The following TAF6L variants were observed in gnomAD, a reference collection of about 807,000 sequenced individuals.
TAF6L encodes the protein TAF6-like RNA polymerase II p300/CBP-associated factor-associated factor 65 kDa subunit 6L.
TAF6L carries 34 observed loss-of-function variants against 57.3 expected under a neutral mutation model. The ratio of observed to expected loss-of-function variants is 0.59; its 90% confidence interval spans 0.45 to 0.79. The LOEUF is 0.79. Among genes scored for constraint, TAF6L ranks in the 30% least tolerant of loss-of-function variants. TAF6L has a pLI of 0.00. For synonymous variants in TAF6L, 417 were observed against 376.3 expected (o/e 1.11, Z -1.25); for missense variants, 782 against 853.2 (o/e 0.92, Z 1.04).
At chr11:62,779,952 C>CCATATATATATATATATATATATATATA (rs1332185092) in intron 6 of TAF6L, among the ~76,000 whole-genome samples, 1 of 100,056 alleles carries the variant, frequency 1.0e-5, no homozygotes, top group Admixed American at 1.1e-4. Context: ...AGGCGTGAGC[C>CCATATATATATATATATATATATATATA]TATATATATA....
At chr11:62,777,756 G>GGAGGAGCGACCA (rs1429484752) in intron 3 of TAF6L, among the ~76,000 whole-genome samples, 5 of 152,168 alleles carry the variant, frequency 3.3e-5, no homozygotes, top group Non-Finnish European at 7.3e-5. Context: ...TCCAGTTATG[G>GGAGGAGCGACCA]GAGGAGCGAC....
At position 62,786,824 on chromosome 11, in the gene TAF6L, C is replaced by T. The variant is rs758685137; in HGVS notation, c.1397C>T (p.Pro466Leu). Reference sequence around the variant, plus strand: ...ACCGGCCAGCCTGCACCCACGGCTCCGCGGCCGCCCGGGGACAAGAAGGAG... The same window carrying T: ...ACCGGCCAGCCTGCACCCACGGCTCTGCGGCCGCCCGGGGACAAGAAGGAG... ...FGTGQPAPTAPRPPGDKKEPA... is the reference protein window; with the variant it reads ...FGTGQPAPTALRPPGDKKEPA... The change falls in exon 11 of 11, where the codon CCG becomes CTG. Residue 466 changes from proline (P) to leucine (L), a missense_variant. This residue lies in a region of TAF6L where 483 missense variants were observed against 445.1 expected (regional missense o/e 1.09). Transcript: ENST00000294168. The T allele has an allele frequency of 1.9e-6, 3 of 1,604,328 alleles. No individual in the cohort carries two copies. The highest frequency in any genetic ancestry group is 2.2e-5 in the East Asian group (1 of 44,696).
chr11:62,787,182 G>A lies in TAF6L; in HGVS notation c.1755G>A (p.Pro585=), dbSNP rs1049331503. 5.7e-6 allele frequency: 9 copies of A among 1,586,950 alleles called. No individual in the cohort carries two copies. Among genetic ancestry groups the A allele is most frequent in the African/African-American group, 2.7e-5 (2 of 73,248 alleles). Residue 585 remains proline, a synonymous_variant, in exon 11 of 11, where the codon CCG becomes CCA. Coordinates refer to ENST00000294168, the MANE Select transcript of TAF6L (RefSeq NM_006473.4). ...TTTTCCAGACTGCCTTCCCCGCGCC[G>A]TACGGGCCTAGCCCGGCCTCGCGCT... ...GRLFQTAFPA[P]YGPSPASRYV...
At position 62,787,319 on chromosome 11, in the gene TAF6L, G is replaced by C. The variant is rs199666158; in HGVS notation, c.*23G>C. 6.6e-7 allele frequency: 1 copy of C among 1,526,466 alleles called. No individual in the cohort carries two copies. The allele number at this position is 1,526,466 out of a possible 1,614,324, so 94.6% of individuals were successfully genotyped here. ...TGAGTCAGTGGCCCCTTCGTTCCTT[G>C]TAAATAAATCCCGCCCCCGGAAATG... On this transcript the variant is annotated 3_prime_UTR_variant, in exon 11 of 11. Transcript: ENST00000294168.
chr11:62,781,275 T>C (rs1480034235), intron 6 of TAF6L, among the ~76,000 whole-genome samples: 1 of 151,802 alleles, frequency 6.6e-6, no homozygotes, highest in Non-Finnish European at 1.5e-5. Flanking sequence ...AAAAGTCTAT[T>C]CCTCCACCTA....
At chr11:62,782,849 A>T in intron 9 of TAF6L, 24 bp downstream of exon 9, 3 of 1,612,880 alleles carry the variant, frequency 1.9e-6, no homozygotes, top group Non-Finnish European at 1.7e-6. Flanking sequence ...CCTTTCTCAC[A>T]CAGCCGTAAG....
At position 62,787,096 on chromosome 11, in the gene TAF6L, G is replaced by T. The variant is rs764099397; in HGVS notation, c.1669G>T (p.Ala557Ser). Residue 557 changes from alanine (A) to serine (S), a missense_variant, in exon 11 of 11, where the codon GCC becomes TCC. Physicochemically the swap from Ala to Ser is moderately conservative, Grantham distance 99 (BLOSUM62 1). Transcript: ENST00000294168. ...GAAGAGCCGTTTCGCCCCGCGCGGC[G>T]CCCCGCACTTTCGTTTCATCATAGC... The part of the protein sequence containing the change: ...FQKSRFAPRG[A>S]PHFRFIIAGR... The T allele has an allele frequency of 1.3e-6, 2 of 1,541,790 alleles. No individual in the cohort carries two copies. The highest frequency in any genetic ancestry group is 1.2e-5 in the South Asian group (1 of 84,990).
intron 10 of TAF6L, 21 bp from the exon 11 acceptor site, chr11:62,786,496 C>G: frequency 6.4e-7 from 1 of 1,571,180 alleles, no homozygotes; most frequent in Non-Finnish European, 8.7e-7. Flanking sequence ...TTTTGCCTAT[C>G]TTAGTCCTTG....
At chr11:62,774,987 C>T (rs575464653) in intron 1 of TAF6L, among the ~76,000 whole-genome samples, 1 of 151,508 alleles carries the variant, frequency 6.6e-6, no homozygotes, top group East Asian at 1.9e-4. Context: ...TTACTTGAAC[C>T]CGGGAGGCGG....
In TAF6L at chr11:62,775,829, T is replaced by G. The variant is rs1456775087; in HGVS notation, c.46T>G (p.Ser16Ala). 6.2e-7 allele frequency: 1 copy of G among 1,612,344 alleles called. No individual in the cohort carries two copies. The highest frequency in any genetic ancestry group is 2.2e-5 in the East Asian group (1 of 44,822). ...GCGGTTTGTGGAGATCCCTCGGGAG[T>G]CTGTCCGGCTCATGGCGGAGAGCAC... ...ERRFVEIPRE[S>A]VRLMAESTGL... Residue 16 changes from serine (S) to alanine (A), a missense_variant, in exon 2 of 11, where the codon TCT (serine) becomes GCT (alanine). Around this residue, in one of 3 missense-constraint regions of TAF6L, gnomAD observed 220 missense variants for 252.1 expected, o/e 0.87. Coordinates refer to ENST00000294168, the MANE Select transcript of TAF6L (RefSeq NM_006473.4).
chr11:62,779,970 A>ATTTTTT lies in TAF6L; in HGVS notation c.531+1008_531+1009insTTTTTT, dbSNP rs1263442687. The stretch of plus-strand genomic sequence containing the variant: ...CGTGAGCCTATATATATATATATAT[A>ATTTTTT]TATATATTTTTTTTTTTTTTTTTTT... On this transcript the variant is annotated intron_variant, in intron 6 of 10. Transcript: ENST00000294168. Among the ~76,000 whole-genome samples, 463 of 64,250 alleles carry ATTTTTT rather than the reference A, an allele frequency of 7.2e-3. 8 individuals are homozygous for ATTTTTT. The highest frequency in any genetic ancestry group is 0.019 in the African/African-American group (426 of 21,958). 42.2% of individuals were successfully genotyped at this position (64,250 alleles called of 152,430 possible).
intron 3 of TAF6L, among the ~76,000 whole-genome samples, chr11:62,776,877 A>T (rs923166843): frequency 6.6e-6 from 1 of 150,640 alleles, no homozygotes; most frequent in Non-Finnish European, 1.5e-5. Context: ...GGCCGGGCAC[A>T]GGAGCTTACA....
At chr11:62,776,566 C>G in intron 3 of TAF6L, 96 bp downstream of exon 3, 1 of 1,252,718 alleles carries the variant, frequency 8.0e-7, no homozygotes, top group Non-Finnish European at 1.1e-6. Context: ...TAAGACCAAA[C>G]GCTGCCGGGC....
At position 62,786,838 on chromosome 11, in the gene TAF6L, G is replaced by T; in HGVS notation, c.1411G>T (p.Asp471Tyr). The T allele has an allele frequency of 6.2e-7, 1 of 1,601,002 alleles. No individual in the cohort carries two copies. The highest frequency in any genetic ancestry group is 8.5e-7 in the Non-Finnish European group (1 of 1,178,390). The change falls in exon 11 of 11, where the codon GAC becomes TAC. Residue 471 changes from aspartate to tyrosine, a missense_variant. Coordinates refer to ENST00000294168, the MANE Select transcript of TAF6L (RefSeq NM_006473.4). Reference sequence around the variant, plus strand: ...ACCCACGGCTCCGCGGCCGCCCGGGGACAAGAAGGAGCCGGCGGCAGCCCC... The same window carrying T: ...ACCCACGGCTCCGCGGCCGCCCGGGTACAAGAAGGAGCCGGCGGCAGCCCC... Reference protein sequence around the residue: ...PAPTAPRPPGDKKEPAAAPDS... With the variant: ...PAPTAPRPPGYKKEPAAAPDS...
intron 9 of TAF6L, among the ~76,000 whole-genome samples, chr11:62,783,833 G>A (rs934016633): frequency 3.3e-5 from 5 of 150,778 alleles, no homozygotes; most frequent in Non-Finnish European, 5.9e-5. Context: ...ACGCCCAGCC[G>A]ATTATGTGGT....
intron 1 of TAF6L, among the ~76,000 whole-genome samples, chr11:62,774,395 A>G (rs2084170517): frequency 6.6e-6 from 1 of 152,124 alleles, no homozygotes; most frequent in African/African-American, 2.4e-5. Flanking sequence ...TCTTTATTTC[A>G]AAGACAATGG....
In TAF6L at chr11:62,775,755, C is replaced by A; in HGVS notation, c.-13-16C>A. The A allele has an allele frequency of 6.3e-7, 1 of 1,589,206 alleles. No individual in the cohort carries two copies. The highest frequency in any genetic ancestry group is 8.5e-7 in the Non-Finnish European group (1 of 1,171,936). On this transcript the variant is annotated splice_polypyrimidine_tract_variant and intron_variant, in intron 1 of 10. Coordinates refer to ENST00000294168, the MANE Select transcript of TAF6L (RefSeq NM_006473.4). ...GAGGCTGGGCAGCTTTTCCAGTCTT[C>A]ATTCTCCACTCCCAGCTCCACTGGG...
At position 62,787,307 on chromosome 11, in the gene TAF6L, C is replaced by A. The variant is rs748715125; in HGVS notation, c.*11C>A. On this transcript the variant is annotated 3_prime_UTR_variant, in exon 11 of 11. Coordinates refer to ENST00000294168, the MANE Select transcript of TAF6L (RefSeq NM_006473.4). Reference sequence around the variant, plus strand: ...TACTTGCCGCTCTGAGTCAGTGGCCCCTTCGTTCCTTGTAAATAAATCCCG... The same window carrying A: ...TACTTGCCGCTCTGAGTCAGTGGCCACTTCGTTCCTTGTAAATAAATCCCG... 2 of 1,530,084 alleles carry A rather than the reference C, an allele frequency of 1.3e-6. No homozygotes were observed. Among genetic ancestry groups the A allele is most frequent in the Non-Finnish European group, 1.7e-6 (2 of 1,145,932 alleles). 94.8% of individuals were successfully genotyped at this position (1,530,084 alleles called of 1,614,324 possible).
chr11:62,786,918 C>G lies in TAF6L; in HGVS notation c.1491C>G (p.His497Gln), dbSNP rs751757058. 47 of 1,495,442 alleles carry G rather than the reference C, an allele frequency of 3.1e-5. No individual in the cohort carries two copies. Among genetic ancestry groups the G allele is most frequent in the Non-Finnish European group, 4.1e-5 (46 of 1,131,694 alleles). 92.6% of individuals were successfully genotyped at this position (1,495,442 alleles called of 1,614,324 possible). Residue 497 changes from histidine (H) to glutamine (Q), a missense_variant, in exon 11 of 11, where the codon CAC becomes CAG. Transcript: ENST00000294168. The stretch of plus-strand genomic sequence containing the variant: ...CGGCAAGCGCCATAGTCAGCCCGCA[C>G]GGCGACGAGAGCCCCCGGGGCAGCG... ...QLTASAIVSPHGDESPRGSGG... is the reference protein window; with the variant it reads ...QLTASAIVSPQGDESPRGSGG...
Sources: allele counts gnomAD v4.1 joint callset (sites outside exome capture counted in the v4.1 genomes callset), GRCh38; gene constraint gnomAD v4.1.1; regional missense constraint gnomAD v4.1.1; transcripts MANE v1.5; gene names NCBI Gene and HGNC (gene_info 2026-07-23, HGNC 2026-07-21).